The following CDHR1 variants were observed in gnomAD, a reference collection of about 807,000 sequenced individuals.
The protein encoded by CDHR1 is cadherin-related family member 1.
Under a neutral mutation model 72.1 loss-of-function variants are expected in CDHR1, and 61 were observed. The observed-to-expected ratio is 0.85, with a 90% CI of 0.69 to 1.05. CDHR1 has a LOEUF of 1.05. CDHR1 is among the 50% of genes least tolerant of loss of function. The pLI, the probability that CDHR1 is intolerant of heterozygous loss-of-function variation, is 0.00. For missense variants in CDHR1, 1,186 were observed against 1,115.7 expected (o/e 1.06, Z -0.90); for synonymous variants, 470 against 448.1 (o/e 1.05, Z -0.62).
Position 84,205,888 on chromosome 10 carries a change from G to C in CDHR1, c.924G>C (p.Pro308=). 6.2e-7 allele frequency: 1 copy of C among 1,614,076 alleles called. No homozygotes were observed. The highest frequency in any genetic ancestry group is 8.5e-7 in the Non-Finnish European group (1 of 1,179,986). Residue 308 remains proline (P), a synonymous_variant, in exon 10 of 17, where the codon CCG becomes CCC. Coordinates refer to ENST00000623527, the MANE Select transcript of CDHR1 (RefSeq NM_033100.4). ...GAGCCATCTCCATCACTCAGAGCCC[G>C]GCCCAGCTCCAGAGAGAGGTGTATG... ...TSGAISITQS[P]AQLQREVYEL... is the part of the protein sequence containing the mutation.
chr10:84,210,131 GA>G (rs1564663431), intron 12 of CDHR1, among the ~76,000 whole-genome samples: 1 of 152,172 alleles, frequency 6.6e-6, no homozygotes, highest in Non-Finnish European at 1.5e-5. Flanking sequence ...GAGATGGGAG[GA>G]TGGCTTGAGC....
intron 1 of CDHR1, 34 bp downstream of exon 1, chr10:84,194,849 A>T (rs1273904862): frequency 6.5e-7 from 1 of 1,529,878 alleles, no homozygotes; most frequent in Admixed American, 2.0e-5. Flanking sequence ...GGCCGCGTGG[A>T]TGGCGAGGGA....
In CDHR1 at chr10:84,194,598, C is replaced by G; in HGVS notation, c.-163C>G. The stretch of plus-strand genomic sequence containing the variant: ...TCCGAGCCGTGTCATCCTCTTAGCG[C>G]CCTCACGCCACCCGCCGCTCCCGCC... On this transcript the variant is annotated 5_prime_UTR_variant, in exon 1 of 17. Transcript: ENST00000623527. The G allele has an allele frequency of 9.9e-6, 5 of 503,922 alleles. No individual in the cohort carries two copies. The highest frequency in any genetic ancestry group is 5.2e-4 in the Middle Eastern group (1 of 1,924). 31.2% of individuals were successfully genotyped at this position (503,922 alleles called of 1,614,324 possible). A position where few individuals can be genotyped will look rare whatever the true frequency, so the allele number is the denominator to read the frequency against.
In CDHR1 at chr10:84,199,098, C is replaced by G. The variant is rs192282380; in HGVS notation, c.415C>G (p.Pro139Ala). 85 of 1,551,294 alleles carry G rather than the reference C, an allele frequency of 5.5e-5. No individual in the cohort carries two copies. In the African/African-American group the frequency reaches 6.4e-4, roughly 12 times the overall value. ...NDEAPRFIQE[P>A]YVALVPEDIP... Reference sequence around the variant, plus strand: ...TGAGGCGCCCAGGTTCATCCAGGAGCCTTATGTTGCCCTGGTTCCCGAGGT... The same window carrying G: ...TGAGGCGCCCAGGTTCATCCAGGAGGCTTATGTTGCCCTGGTTCCCGAGGT... Residue 139 changes from proline (P) to alanine (A), a missense_variant, in exon 5 of 17, where the codon CCT becomes GCT. Transcript: ENST00000623527.
In CDHR1 at chr10:84,203,009, TGTG is replaced by T; in HGVS notation, c.673_675del (p.Val225del). The T allele has an allele frequency of 1.2e-6, 2 of 1,614,148 alleles. No individual in the cohort carries two copies. Among genetic ancestry groups the T allele is most frequent in the African/African-American group, 2.7e-5 (2 of 75,034 alleles). ...GCGGTGGGAGGCTTCATGGGGCTGATGTGGTGTTCTCAGCCACCACCACGGTCA... is the reference window on the plus strand; with the variant it reads ...GCGGTGGGAGGCTTCATGGGGCTGATGTGTTCTCAGCCACCACCACGGTCA... On this transcript the variant is annotated inframe_deletion, in exon 8 of 17. Transcript: ENST00000623527.
At chr10:84,195,710 T>C in intron 2 of CDHR1, 121 bp downstream of exon 2, 1 of 800,770 alleles carries the variant, frequency 1.2e-6, no homozygotes, top group South Asian at 1.5e-5. Context: ...CCTTGTTTGC[T>C]CTCCGAATTC....
In CDHR1 at chr10:84,215,081, A is replaced by ATTTTTTC; in HGVS notation, c.*460_*461insTTTTTTC. The ATTTTTTC allele has an allele frequency of 9.4e-7, 1 of 1,061,016 alleles. No homozygotes were observed. Among genetic ancestry groups the ATTTTTTC allele is most frequent in the East Asian group, 7.6e-5 (1 of 13,078 alleles). The allele number at this position is 1,061,016 out of a possible 1,614,324, so 65.7% of individuals were successfully genotyped here. On this transcript the variant is annotated 3_prime_UTR_variant, in exon 17 of 17. Coordinates refer to ENST00000623527, the MANE Select transcript of CDHR1 (RefSeq NM_033100.4). ...CCTGCAGCTGAGAGCAGGAGCAGGA[A>ATTTTTTC]AAGGAGGCTCAGCACTGTCTCAGGC... is the stretch of plus-strand genomic sequence containing the variant.
chr10:84,205,932 C>T lies in CDHR1; in HGVS notation c.963+5C>T, dbSNP rs1229356202. 3 of 1,609,948 alleles carry T rather than the reference C, an allele frequency of 1.9e-6. No homozygotes were observed. Among genetic ancestry groups the T allele is most frequent in the Non-Finnish European group, 2.6e-6 (3 of 1,176,316 alleles). On this transcript the variant is annotated splice_donor_5th_base_variant and intron_variant, in intron 10 of 16. Transcript: ENST00000623527. ...GTGTATGAGCTGCATGTACAGGTAC[C>T]CTCCCTCTAGCTTTGTCTTCCCTGC...
Position 84,200,664 on chromosome 10 carries a change from G to T in CDHR1, c.502G>T (p.Gly168Trp), listed in dbSNP as rs1842108013. Reference sequence around the variant, plus strand: ...AGTGGACAGGGACACAGGCTCTGGAGGGAGTGTCACCTACTTCCTGCAGGT... The same window carrying T: ...AGTGGACAGGGACACAGGCTCTGGATGGAGTGTCACCTACTTCCTGCAGGT... The part of the protein sequence containing the change: ...HAVDRDTGSG[G>W]SVTYFLQNLH... The change falls in exon 6 of 17, where the codon GGG becomes TGG. Residue 168 changes from glycine to tryptophan, a missense_variant. By Grantham distance (184) the Gly-to-Trp change is radical. Coordinates refer to ENST00000623527, the MANE Select transcript of CDHR1 (RefSeq NM_033100.4). The T allele has an allele frequency of 6.2e-7, 1 of 1,611,550 alleles. No individual in the cohort carries two copies. Among genetic ancestry groups the T allele is most frequent in the Non-Finnish European group, 8.5e-7 (1 of 1,178,922 alleles).
At chr10:84,219,418 C>T, downstream of CDHR1, 4 of 1,344,008 alleles carry the variant, frequency 3.0e-6, no homozygotes, top group Non-Finnish European at 3.9e-6. Context: ...CTTCCACAGC[C>T]CTTCTCTCAT....
In CDHR1 at chr10:84,218,073, A is replaced by G; in HGVS notation, c.*3452A>G. ...CAGTCCACCTGCCAGGGGTGTTGGC[A>G]TCTGTTGACAGGCAGTGGCACATCC... On this transcript the variant is annotated 3_prime_UTR_variant, in exon 17 of 17. Transcript: ENST00000623527. The G allele has an allele frequency of 2.0e-6, 2 of 985,460 alleles. No individual in the cohort carries two copies. Among genetic ancestry groups the G allele is most frequent in the Non-Finnish European group, 2.4e-6 (2 of 829,940 alleles). The allele number at this position is 985,460 out of a possible 1,614,324, so 61.0% of individuals were successfully genotyped here. A position where few individuals can be genotyped will look rare whatever the true frequency, so the allele number is the denominator to read the frequency against.
intron 5 of CDHR1, among the ~76,000 whole-genome samples, chr10:84,199,607 C>G (rs919324413): frequency 6.6e-6 from 1 of 152,198 alleles, no homozygotes. Flanking sequence ...CTATCATTTA[C>G]AGAATCATTG....
rs367704614 is a variant in CDHR1 at position 84,205,844 on chromosome 10, G to C, written c.880G>C (p.Glu294Gln). Residue 294 changes from glutamate (E) to glutamine (Q), a missense_variant, in exon 10 of 17, where the codon GAA becomes CAA. Transcript: ENST00000623527. ...SLVNGNDGAF[E>Q]INETSGAISI... is the part of the protein sequence containing the mutation. Reference sequence around the variant, plus strand: ...CTTGACAGGGAACGATGGAGCCTTTGAAATTAATGAGACATCTGGAGCCAT... The same window carrying C: ...CTTGACAGGGAACGATGGAGCCTTTCAAATTAATGAGACATCTGGAGCCAT... 47 of 1,613,868 alleles carry C rather than the reference G, an allele frequency of 2.9e-5. No homozygotes were observed. The highest frequency in any genetic ancestry group is 3.9e-5 in the Non-Finnish European group (46 of 1,179,948).
In CDHR1 at chr10:84,212,369, A is replaced by T. The variant is rs142980820; in HGVS notation, c.1744A>T (p.Lys582Ter). The change falls in exon 15 of 17, where the codon AAG becomes TAG. Residue 582 changes from lysine (K) to a stop codon, truncating the protein, a stop_gained. Transcript: ENST00000623527. LOFTEE classifies it high-confidence loss of function. ...CCCTCAGTTTGGAAAGAGCGTTCAG[A>T]AGAAGACGATGGTGCTAGGGACCCC... The part of the protein sequence containing the change: ...HPPQFGKSVQ[K>*]KTMVLGTPVK... 6.2e-7 allele frequency: 1 copy of T among 1,614,070 alleles called. No individual in the cohort carries two copies. The highest frequency in any genetic ancestry group is 1.3e-5 in the African/African-American group (1 of 74,930).
intron 12 of CDHR1, 82 bp from the exon 13 acceptor site, chr10:84,210,919 C>A: frequency 6.9e-7 from 1 of 1,457,030 alleles, no homozygotes; most frequent in Non-Finnish European, 9.6e-7. Context: ...GATGCCACAT[C>A]AGTCCTGGGG....
intron 6 of CDHR1, among the ~76,000 whole-genome samples, chr10:84,201,171 C>G (rs1842117960): frequency 6.6e-6 from 1 of 152,242 alleles, no homozygotes; most frequent in Non-Finnish European, 1.5e-5. Context: ...GCTCAGTTTC[C>G]TCATGTATCA....
rs1256364363 is a variant in CDHR1, at chr10:84,213,275, T to G, written c.1967T>G (p.Val656Gly). Residue 656 changes from valine (V) to glycine (G), a missense_variant, in exon 16 of 17, where the codon GTG becomes GGG. Transcript: ENST00000623527. ...PGRDCLWSLE[V>G]QAKDRGSPSF... ...AGGGACTGCCTATGGTCCCTAGAGG[T>G]GCAGGCCAAGGACCGGGGCTCCCCA... The G allele has an allele frequency of 6.2e-7, 1 of 1,614,118 alleles. No homozygotes were observed. Among genetic ancestry groups the G allele is most frequent in the African/African-American group, 1.3e-5 (1 of 75,026 alleles).
chr10:84,218,116 T>A lies in CDHR1; in HGVS notation c.*3495T>A. 1.0e-6 allele frequency: 1 copy of A among 985,444 alleles called. No individual in the cohort carries two copies. 61.0% of individuals were successfully genotyped at this position (985,444 alleles called of 1,614,324 possible). On this transcript the variant is annotated 3_prime_UTR_variant, in exon 17 of 17. Transcript: ENST00000623527. ...GCACATCCTGACAGTCTTCAAGGCC[T>A]TGGCCACCAAGGGATGGAGAGGGAG...
At position 84,218,472 on chromosome 10, in the gene CDHR1, C is replaced by G. The variant is rs182752708; in HGVS notation, c.*3851C>G. On this transcript the variant is annotated 3_prime_UTR_variant, in exon 17 of 17. Transcript: ENST00000623527. ...TGGAGTATATCTTCTGTGCCAGGCT[C>G]TCTTCTAGGTGTTAGGTGTATGTCT... 2,901 of 985,392 alleles carry G rather than the reference C, an allele frequency of 2.9e-3. 8 individuals are homozygous for G. Among genetic ancestry groups the G allele is most frequent in the South Asian group, 0.014 (306 of 21,284 alleles). The allele number at this position is 985,392 out of a possible 1,614,324, so 61.0% of individuals were successfully genotyped here. A position where few individuals can be genotyped will look rare whatever the true frequency, so the allele number is the denominator to read the frequency against.
Sources: allele counts gnomAD v4.1 joint callset (sites outside exome capture counted in the v4.1 genomes callset), GRCh38; gene constraint gnomAD v4.1.1; transcripts MANE v1.5; gene names NCBI Gene and HGNC (gene_info 2026-07-23, HGNC 2026-07-21).